AFAP1: variants seen among roughly 807,000 people sequenced by gnomAD.
AFAP1 encodes actin filament-associated protein 1.
AFAP1 carries 75 observed loss-of-function variants against 93.9 expected under a neutral mutation model. That is an observed-to-expected ratio of 0.80 (90% confidence interval 0.66 to 0.97). The LOEUF (loss-of-function observed/expected upper bound fraction) is 0.97, where lower values mean the gene tolerates loss of function less well. Among genes scored for constraint, AFAP1 ranks in the 50% least tolerant of loss-of-function variants. The probability of loss-of-function intolerance (pLI) is 0.00; values close to 1 mark genes in which losing one functional copy is unlikely to be tolerated. For missense variants in AFAP1, 1,201 were observed against 1,050.8 expected (o/e 1.14, Z -1.98); for synonymous variants, 517 against 430.7 (o/e 1.20, Z -2.48).
chr4:7,855,862 C>T (rs1409030473), intron 3 of AFAP1, among the ~76,000 whole-genome samples: 3 of 152,178 alleles, frequency 2.0e-5, no homozygotes, highest in African/African-American at 7.2e-5. Context: ...ACACAGAATG[C>T]CCCTTCCCCC....
At chr4:7,825,959 A>C (rs1175450846) in intron 6 of AFAP1, among the ~76,000 whole-genome samples, 1 of 151,988 alleles carries the variant, frequency 6.6e-6, no homozygotes, top group African/African-American at 2.4e-5. Context: ...ATGCTTAAAA[A>C]AAAAAAAAAA....
intron 6 of AFAP1, among the ~76,000 whole-genome samples, chr4:7,828,586 T>C (rs1721635527): frequency 6.6e-6 from 1 of 152,164 alleles, no homozygotes; most frequent in Non-Finnish European, 1.5e-5. Flanking sequence ...CCTAATGAGA[T>C]GCAGAGGTGG....
At position 7,759,134 on chromosome 4, in the gene AFAP1, A is replaced by G. The variant is rs1398125731; in HGVS notation, c.*4631T>C. ...GGTCAATTAATTCTGAATATCACTT[A>G]AAAGTTGATGTTAAAATGTAAAGTG... On this transcript the variant is annotated 3_prime_UTR_variant, in exon 18 of 18. Coordinates refer to ENST00000420658, the MANE Select transcript of AFAP1 (RefSeq NM_001134647.2). 1 of 152,690 alleles carries G rather than the reference A, an allele frequency of 6.5e-6. No homozygotes were observed. The highest frequency in any genetic ancestry group is 2.4e-5 in the African/African-American group (1 of 41,464). 9.5% of individuals were successfully genotyped at this position (152,690 alleles called of 1,614,324 possible).
At chr4:7,780,931 C>T (rs1383277136) in intron 13 of AFAP1, among the ~76,000 whole-genome samples, 1 of 152,140 alleles carries the variant, frequency 6.6e-6, no homozygotes, top group Non-Finnish European at 1.5e-5. Flanking sequence ...TGGAGAAACA[C>T]TACCACACTC....
At chr4:7,859,531 G>A (rs1210998296) in intron 3 of AFAP1, among the ~76,000 whole-genome samples, 10 of 152,168 alleles carry the variant, frequency 6.6e-5, no homozygotes, top group African/African-American at 1.9e-4. Context: ...CACCCCTGCT[G>A]TGACCTAGAA....
chr4:7,874,336 G>T (rs115974128), intron 1 of AFAP1, among the ~76,000 whole-genome samples: 1 of 150,166 alleles, frequency 6.7e-6, no homozygotes, highest in Non-Finnish European at 1.5e-5. Flanking sequence ...CCTATCTGTG[G>T]GAGGTCAGAT....
At chr4:7,795,615 G>A (rs1165398191) in intron 10 of AFAP1, among the ~76,000 whole-genome samples, 2 of 151,362 alleles carry the variant, frequency 1.3e-5, no homozygotes, top group African/African-American at 2.4e-5. Flanking sequence ...TAGTAGAGAT[G>A]GGGTTTTCAC....
intron 8 of AFAP1, among the ~76,000 whole-genome samples, chr4:7,812,081 G>C (rs956611358): frequency 6.6e-6 from 1 of 152,016 alleles, no homozygotes; most frequent in Non-Finnish European, 1.5e-5. Context: ...TAGGACAGCT[G>C]TATCACTTCA....
At chr4:7,894,656 C>G (rs963092021) in intron 1 of AFAP1, among the ~76,000 whole-genome samples, 2 of 152,180 alleles carry the variant, frequency 1.3e-5, no homozygotes, top group African/African-American at 4.8e-5. Flanking sequence ...TGTGTTGGCT[C>G]CTTCTATACA....
chr4:7,819,732 A>C (rs897172356), intron 6 of AFAP1, among the ~76,000 whole-genome samples: 5 of 152,178 alleles, frequency 3.3e-5, no homozygotes, highest in African/African-American at 9.7e-5. Context: ...ATGAGGCAGG[A>C]GGCCAGTAGG....
chr4:7,871,854 G>A, intron 2 of AFAP1, 98 bp downstream of exon 2: 1 of 1,462,952 alleles, frequency 6.8e-7, no homozygotes. Context: ...GTAAGTTAAA[G>A]AACAAATAAA....
chr4:7,786,075 C>CA lies in AFAP1; in HGVS notation c.1530+118_1530+119insT, dbSNP rs1717225764. The stretch of plus-strand genomic sequence containing the variant: ...CAGAGATGAGATGGAGTCTCCTTGC[C>CA]TCAGAGCATTAAAAAGCTGACCTTA... On this transcript the variant is annotated intron_variant, in intron 12 of 17. Transcript: ENST00000420658. 4 of 857,966 alleles carry CA rather than the reference C, an allele frequency of 4.7e-6. No homozygotes were observed. The Admixed American group carries it at 8.9e-5, about 19-fold the overall frequency. 53.1% of individuals were successfully genotyped at this position (857,966 alleles called of 1,614,324 possible).
chr4:7,889,230 T>C (rs1030216913), intron 1 of AFAP1, among the ~76,000 whole-genome samples: 4 of 152,122 alleles, frequency 2.6e-5, no homozygotes, highest in African/African-American at 7.2e-5. Flanking sequence ...TATTAGCAGA[T>C]ACTAAAATGA....
At chr4:7,835,382 G>T in intron 6 of AFAP1, among the ~76,000 whole-genome samples, 1 of 84,634 alleles carries the variant, frequency 1.2e-5, no homozygotes, top group East Asian at 2.5e-4. Flanking sequence ...GGGCTGTCTT[G>T]AGGTTACCTG....
chr4:7,926,757 T>C (rs1720789725), intron 1 of AFAP1, among the ~76,000 whole-genome samples: 1 of 152,118 alleles, frequency 6.6e-6, no homozygotes, highest in Non-Finnish European at 1.5e-5. Context: ...TATTTTTTGA[T>C]ACGGAGTCTC....
intron 17 of AFAP1, 138 bp from the exon 18 acceptor site, chr4:7,763,929 A>T: frequency 1.3e-6 from 1 of 783,946 alleles, no homozygotes; most frequent in Admixed American, 2.0e-5. Flanking sequence ...ATGACCAATG[A>T]CCCGGCAATT....
At chr4:7,817,993 C>T (rs1372222033) in intron 7 of AFAP1, among the ~76,000 whole-genome samples, 2 of 152,178 alleles carry the variant, frequency 1.3e-5, no homozygotes, top group Non-Finnish European at 2.9e-5. Context: ...AGGAGAAAAA[C>T]AGCCTGTTCC....
At position 7,759,624 on chromosome 4, in the gene AFAP1, C is replaced by T. The variant is rs545089327; in HGVS notation, c.*4141G>A. On this transcript the variant is annotated 3_prime_UTR_variant, in exon 18 of 18. Coordinates refer to ENST00000420658, the MANE Select transcript of AFAP1 (RefSeq NM_001134647.2). ...GTCATGAACTTGAAGTGACTGTTCC[C>T]ATTAGAAAATCATTTTAGGAAAAGT... The T allele has an allele frequency of 1.5e-3, 233 of 152,786 alleles. 1 individual carries two copies. The highest frequency in any genetic ancestry group is 2.3e-3 in the Non-Finnish European group (155 of 68,026). 9.5% of individuals were successfully genotyped at this position (152,786 alleles called of 1,614,324 possible). A position where few individuals can be genotyped will look rare whatever the true frequency, so the allele number is the denominator to read the frequency against.
At chr4:7,858,845 T>A (rs952981188) in intron 3 of AFAP1, among the ~76,000 whole-genome samples, 5 of 152,204 alleles carry the variant, frequency 3.3e-5, no homozygotes, top group African/African-American at 1.2e-4. Flanking sequence ...AGCATTCTTA[T>A]AAAGTTACAG....
Sources: allele counts gnomAD v4.1 joint callset (sites outside exome capture counted in the v4.1 genomes callset), GRCh38; gene constraint gnomAD v4.1.1; transcripts MANE v1.5; gene names NCBI Gene and HGNC (gene_info 2026-07-23, HGNC 2026-07-21).